Variants in ZNF274 observed in about 807,000 individuals in gnomAD.
ZNF274 encodes the protein zinc finger protein 274.
ZNF274 carries 23 observed loss-of-function variants against 42.5 expected under a neutral mutation model. The ratio of observed to expected loss-of-function variants is 0.54; its 90% confidence interval spans 0.39 to 0.77. The LOEUF (loss-of-function observed/expected upper bound fraction) is 0.77. ZNF274 is among the 30% of genes least tolerant of loss of function. The probability of loss-of-function intolerance (pLI) is 0.00; values close to 1 mark genes in which losing one functional copy is unlikely to be tolerated. For missense variants in ZNF274, 679 were observed against 806.5 expected (o/e 0.84, Z 1.91); for synonymous variants, 292 against 305.4 (o/e 0.96, Z 0.46).
intron 2 of ZNF274, chr19:58,184,287 T>A: frequency 3.7e-6 from 1 of 273,302 alleles, no homozygotes; most frequent in Non-Finnish European, 7.1e-6. Context: ...AGGTCTTTTG[T>A]TTGTTTGTTT....
In ZNF274 at chr19:58,207,397, G is replaced by A. The variant is rs73939494; in HGVS notation, c.739+195G>A. ...AAACCCTTGCATTCTTTAGCCCTTC[G>A]TGGGCTTCTGATGGAAGCACACAGA... On this transcript the variant is annotated intron_variant, in intron 5 of 7. Transcript: ENST00000617501. The surrounding 1 kb of genome is among the most constrained non-coding windows in gnomAD (Gnocchi z 5.6). Among the ~76,000 whole-genome samples, 1,069 of 152,236 alleles carry A rather than the reference G, an allele frequency of 7.0e-3. 9 individuals carry two copies. The highest frequency in any genetic ancestry group is 0.024 in the African/African-American group (995 of 41,524).
chr19:58,201,212 A>G (rs563170104), intron 4 of ZNF274, among the ~76,000 whole-genome samples: 2 of 118,984 alleles, frequency 1.7e-5, no homozygotes, highest in Non-Finnish European at 3.4e-5. Flanking sequence ...GGGTTTTGCC[A>G]TGTTGCCCAG....
intron 4 of ZNF274, among the ~76,000 whole-genome samples, chr19:58,197,159 C>T (rs10411535): frequency 0.38 from 58,277 of 152,132 alleles, 12,463 homozygotes; most frequent in Middle Eastern, 0.54. Context: ...GGGAAGCCTT[C>T]GGGTGTCCCA....
At chr19:58,196,929 G>C (rs2075850116) in intron 4 of ZNF274, among the ~76,000 whole-genome samples, 1 of 150,482 alleles carries the variant, frequency 6.6e-6, no homozygotes, top group African/African-American at 2.5e-5. Context: ...AACTCACACA[G>C]GGAAGAAACC....
intron 4 of ZNF274, among the ~76,000 whole-genome samples, chr19:58,189,415 T>C (rs2075752035): frequency 6.6e-6 from 1 of 152,192 alleles, no homozygotes; most frequent in Non-Finnish European, 1.5e-5. Flanking sequence ...TTAAATTTTT[T>C]TCTTTTTAGT....
At chr19:58,195,236 T>C (rs556118269) in intron 4 of ZNF274, among the ~76,000 whole-genome samples, 53 of 145,724 alleles carry the variant, frequency 3.6e-4, no homozygotes, top group Admixed American at 9.5e-4. Flanking sequence ...TGTATATATG[T>C]GTGTGTATAT....
chr19:58,183,797 C>A, intron 1 of ZNF274, 124 bp from the exon 2 acceptor site: 2 of 632,786 alleles, frequency 3.2e-6, no homozygotes, highest in Non-Finnish European at 5.5e-6. Flanking sequence ...TCACTCTGGG[C>A]GTTTTCCAGT....
chr19:58,184,225 G>C (rs1600126983), intron 2 of ZNF274: 1 of 560,292 alleles, frequency 1.8e-6, no homozygotes, highest in South Asian at 2.1e-5. Flanking sequence ...GGCTTCTGAA[G>C]GCCAGGTTAA....
At chr19:58,199,346 A>G (rs1274997026) in intron 4 of ZNF274, among the ~76,000 whole-genome samples, 2 of 151,996 alleles carry the variant, frequency 1.3e-5, no homozygotes, top group African/African-American at 4.8e-5. Flanking sequence ...AGCCTGGGCG[A>G]CAGAGCAAGA....
chr19:58,196,294 C>G (rs1485176455), intron 4 of ZNF274, among the ~76,000 whole-genome samples: 1 of 152,224 alleles, frequency 6.6e-6, no homozygotes, highest in Non-Finnish European at 1.5e-5. Context: ...GGCACGGCGG[C>G]TCATGCCTGT....
intron 4 of ZNF274, among the ~76,000 whole-genome samples, chr19:58,202,812 A>G (rs1555819652): frequency 1.3e-5 from 2 of 152,198 alleles, no homozygotes; most frequent in Non-Finnish European, 2.9e-5. Context: ...GGTGCACAGA[A>G]TGAGTCCATC....
At chr19:58,201,514 CTTTTTT>C (rs11418348) in intron 4 of ZNF274, among the ~76,000 whole-genome samples, 3 of 143,844 alleles carry the variant, frequency 2.1e-5, no homozygotes, top group Non-Finnish European at 4.6e-5. Context: ...GCATGAATTT[CTTTTTT>C]TTTTTTTTCT....
chr19:58,195,520 A>G (rs1193250275), intron 4 of ZNF274, among the ~76,000 whole-genome samples: 1 of 144,496 alleles, frequency 6.9e-6, no homozygotes, highest in African/African-American at 2.4e-5. Context: ...TAAAGTGGTC[A>G]GTTTCTCCCA....
intron 4 of ZNF274, among the ~76,000 whole-genome samples, chr19:58,188,694 G>GTATATATATATATATATATA (rs71925177): frequency 1.9e-3 from 143 of 74,604 alleles, no homozygotes; most frequent in Non-Finnish European, 2.6e-3. Context: ...ATATGTATAT[G>GTATATATATATATATATATA]TATATATATA....
chr19:58,203,592 A>G (rs113702769), intron 4 of ZNF274, among the ~76,000 whole-genome samples: 1,287 of 104,516 alleles, frequency 0.012, 22 homozygotes, highest in African/African-American at 0.051. Context: ...AAAAAAAAAA[A>G]AAAAGAAAAA....
chr19:58,206,765 C>G lies in ZNF274; in HGVS notation c.302C>G (p.Ala101Gly). ...QLDPKLDPLPAESPLMNIEVV... is the reference protein window; with the variant it reads ...QLDPKLDPLPGESPLMNIEVV... ...GACCCTAAATTGGATCCTCTTCCTG[C>G]TGAGAGTCCCCTAATGAACATTGAG... The change falls in exon 5 of 8, where the codon GCT (alanine) becomes GGT (glycine). Residue 101 changes from alanine to glycine, a missense_variant. This residue lies in a region of ZNF274 where 223 missense variants were observed against 216.4 expected (regional missense o/e 1.03). Coordinates refer to ENST00000617501, the MANE Select transcript of ZNF274 (RefSeq NM_133502.3). The G allele has an allele frequency of 1.2e-6, 2 of 1,609,816 alleles. No homozygotes were observed. Among genetic ancestry groups the G allele is most frequent in the South Asian group, 2.2e-5 (2 of 90,094 alleles).
intron 3 of ZNF274, among the ~76,000 whole-genome samples, chr19:58,186,557 G>T (rs2075701351): frequency 1.4e-5 from 2 of 138,826 alleles, no homozygotes; most frequent in African/African-American, 2.8e-5. Flanking sequence ...AAAAAAGCCT[G>T]TCCCTTCAAA....
At chr19:58,202,250 G>C (rs954348840) in intron 4 of ZNF274, 1 of 152,284 alleles carries the variant, frequency 6.6e-6, no homozygotes, top group Admixed American at 6.5e-5. Flanking sequence ...ACAGCACTGT[G>C]AGGAAGACAG....
intron 4 of ZNF274, among the ~76,000 whole-genome samples, chr19:58,190,818 G>A (rs1204180155): frequency 6.6e-6 from 1 of 152,118 alleles, no homozygotes; most frequent in African/African-American, 2.4e-5. Context: ...CATCAGAACT[G>A]CCCACTTCTG....
Sources: allele counts gnomAD v4.1 joint callset (sites outside exome capture counted in the v4.1 genomes callset), GRCh38; gene constraint gnomAD v4.1.1; regional missense constraint gnomAD v4.1.1; non-coding constraint Gnocchi (gnomAD v3.1); transcripts MANE v1.5; gene names NCBI Gene and HGNC (gene_info 2026-07-23, HGNC 2026-07-21).